PARD3B: variants seen among roughly 807,000 people sequenced by gnomAD.
PARD3B encodes the protein partitioning defective 3 homolog B.
Under a neutral mutation model 130.2 loss-of-function variants are expected in PARD3B, and 103 were observed. That is an observed-to-expected ratio of 0.79 (90% confidence interval 0.67 to 0.93). PARD3B has a LOEUF of 0.93. Ranked by LOEUF, PARD3B falls within the 40% of genes least tolerant of loss-of-function variation. The pLI is 0.00. For synonymous variants in PARD3B, 583 were observed against 553.2 expected (o/e 1.05, Z -0.76); for missense variants, 1,609 against 1,499.2 (o/e 1.07, Z -1.21).
chr2:205,238,363 T>G (rs755556161), intron 15 of PARD3B, among the ~76,000 whole-genome samples: 19 of 152,134 alleles, frequency 1.2e-4, no homozygotes, highest in Non-Finnish European at 2.1e-4. Context: ...TCCATCTACT[T>G]GGGTTGCTGA....
At chr2:204,939,552 G>T (rs544035295) in intron 2 of PARD3B, among the ~76,000 whole-genome samples, 3 of 152,174 alleles carry the variant, frequency 2.0e-5, no homozygotes, top group South Asian at 4.1e-4. Context: ...CAAATGCCGT[G>T]TTCTATTTTG....
chr2:205,202,060 C>T (rs571124160), intron 15 of PARD3B, among the ~76,000 whole-genome samples: 2 of 152,156 alleles, frequency 1.3e-5, no homozygotes, highest in Non-Finnish European at 2.9e-5. Flanking sequence ...AGATAGTTTC[C>T]AGCACCTCCA....
At chr2:204,785,982 T>C (rs1258840987) in intron 2 of PARD3B, among the ~76,000 whole-genome samples, 5 of 151,574 alleles carry the variant, frequency 3.3e-5, no homozygotes, top group Non-Finnish European at 5.9e-5. Flanking sequence ...GGCGTAGGGG[T>C]GGGTGCCTGT....
At chr2:204,564,066 G>T (rs1227880929) in intron 1 of PARD3B, among the ~76,000 whole-genome samples, 1 of 152,268 alleles carries the variant, frequency 6.6e-6, no homozygotes, top group East Asian at 1.9e-4. Context: ...GAGCCACTGC[G>T]CCCGGCCAGT....
intron 2 of PARD3B, among the ~76,000 whole-genome samples, chr2:204,712,822 C>T (rs1461067559): frequency 2.6e-5 from 4 of 152,046 alleles, no homozygotes; most frequent in African/African-American, 9.7e-5. Flanking sequence ...TAGTAATCTT[C>T]CTCCCACCCC....
At chr2:205,311,532 C>T (rs551027241) in intron 18 of PARD3B, among the ~76,000 whole-genome samples, 2 of 152,270 alleles carry the variant, frequency 1.3e-5, no homozygotes, top group African/African-American at 4.8e-5. Context: ...ACAGCCAAGA[C>T]CGTCAAATAT....
intron 15 of PARD3B, among the ~76,000 whole-genome samples, chr2:205,234,506 G>A (rs1027603348): frequency 4.6e-5 from 7 of 152,104 alleles, no homozygotes; most frequent in Non-Finnish European, 8.8e-5. Flanking sequence ...TATTCTAAAT[G>A]CTTATGCACC....
chr2:205,177,487 A>G (rs1476320638), intron 13 of PARD3B, among the ~76,000 whole-genome samples: 1 of 152,216 alleles, frequency 6.6e-6, no homozygotes, highest in Non-Finnish European at 1.5e-5. Context: ...CTTCTACAAT[A>G]TCACATTCAG....
chr2:204,603,535 A>G (rs1242191345), intron 1 of PARD3B, among the ~76,000 whole-genome samples: 7 of 152,140 alleles, frequency 4.6e-5, no homozygotes. Flanking sequence ...CATTGAAAAC[A>G]TTCTACTTTA....
intron 4 of PARD3B, among the ~76,000 whole-genome samples, chr2:205,052,354 T>G (rs568014335): frequency 3.3e-4 from 50 of 149,354 alleles, no homozygotes; most frequent in African/African-American, 1.1e-3. Flanking sequence ...AAACCATTAC[T>G]TGTCTTACAT....
intron 4 of PARD3B, among the ~76,000 whole-genome samples, chr2:205,096,237 A>G (rs1702388470): frequency 1.3e-5 from 2 of 152,018 alleles, no homozygotes; most frequent in Admixed American, 1.3e-4. Flanking sequence ...AATGGACCTT[A>G]AAAATCTTCT....
intron 1 of PARD3B, among the ~76,000 whole-genome samples, chr2:204,654,214 A>T (rs1487147537): frequency 6.6e-6 from 1 of 151,214 alleles, no homozygotes; most frequent in Non-Finnish European, 1.5e-5. Context: ...GTGTTCATCT[A>T]ATACCTTTCA....
At chr2:205,248,415 G>GGTGGTGGTGGTGGTGGTGGTGGTGGTT (rs2039667254) in intron 16 of PARD3B, among the ~76,000 whole-genome samples, 1 of 149,698 alleles carries the variant, frequency 6.7e-6, no homozygotes, top group African/African-American at 2.5e-5. Flanking sequence ...TGGTGGTGGT[G>GGTGGTGGTGGTGGTGGTGGTGGTGGTT]GCGGCAGCAG....
chr2:205,535,840 C>T (rs2051828415), intron 21 of PARD3B, among the ~76,000 whole-genome samples: 1 of 152,156 alleles, frequency 6.6e-6, no homozygotes. Context: ...TAATTAGAAA[C>T]ACATTAAAGT....
chr2:205,271,073 T>A (rs2040706793), intron 16 of PARD3B, among the ~76,000 whole-genome samples: 1 of 152,172 alleles, frequency 6.6e-6, no homozygotes, highest in Non-Finnish European at 1.5e-5. Flanking sequence ...TAAAAGGAAC[T>A]TTACCATTTA....
intron 4 of PARD3B, among the ~76,000 whole-genome samples, chr2:205,049,726 A>G (rs915081204): frequency 1.3e-5 from 2 of 152,196 alleles, no homozygotes; most frequent in Non-Finnish European, 2.9e-5. Flanking sequence ...AAGACATATT[A>G]TTACTAGCAA....
At chr2:205,456,922 T>C (rs2048296421) in intron 20 of PARD3B, among the ~76,000 whole-genome samples, 1 of 150,252 alleles carries the variant, frequency 6.7e-6, no homozygotes, top group South Asian at 2.1e-4. Context: ...AAATAATTTA[T>C]CATAAATTTA....
intron 15 of PARD3B, among the ~76,000 whole-genome samples, chr2:205,211,183 A>C (rs1023847301): frequency 6.6e-6 from 1 of 152,128 alleles, no homozygotes; most frequent in African/African-American, 2.4e-5. Context: ...TATACTTGAC[A>C]TACAGCAGTG....
chr2:205,583,024 A>G (rs1467010559), intron 22 of PARD3B, among the ~76,000 whole-genome samples: 3 of 152,194 alleles, frequency 2.0e-5, no homozygotes, highest in African/African-American at 7.2e-5. Context: ...GTATAGAAAT[A>G]TAAGTTAATT....
Sources: gnomAD v4.1 joint callset for allele counts (sites outside exome capture counted in the v4.1 genomes callset) on GRCh38, gnomAD v4.1.1 for gene constraint, MANE v1.5 for transcripts, NCBI Gene and HGNC (gene_info 2026-07-23, HGNC 2026-07-21) for gene names.